DTNB: variants seen among roughly 807,000 people sequenced by gnomAD.
The protein encoded by DTNB is DTN-B.
A neutral mutation model predicts 90.7 loss-of-function variants in DTNB; 63 were observed. The observed-to-expected ratio is 0.69, with a 90% CI of 0.57 to 0.86. The LOEUF (loss-of-function observed/expected upper bound fraction) is 0.86. Among genes scored for constraint, DTNB ranks in the 40% least tolerant of loss-of-function variants. The pLI, the probability that DTNB is intolerant of heterozygous loss-of-function variation, is 0.00. For missense variants in DTNB, 744 were observed against 807.1 expected (o/e 0.92, Z 0.95); for synonymous variants, 277 against 286.7 (o/e 0.97, Z 0.34).
chr2:25,408,580 A>T (rs1438104617), intron 16 of DTNB, among the ~76,000 whole-genome samples: 1 of 148,240 alleles, frequency 6.7e-6, no homozygotes, highest in Non-Finnish European at 1.5e-5. Context: ...CTTTAGCTGC[A>T]GTTAACTTCA....
intron 5 of DTNB, 166 bp from the exon 6 acceptor site, chr2:25,596,406 G>GCAGA (rs2064650678): frequency 1.4e-6 from 1 of 712,120 alleles, no homozygotes; most frequent in Non-Finnish European, 2.1e-6. Flanking sequence ...TATTAACACT[G>GCAGA]TGTGGCTACC....
At chr2:25,384,475 G>C (rs2038894034) in intron 18 of DTNB, among the ~76,000 whole-genome samples, 1 of 152,174 alleles carries the variant, frequency 6.6e-6, no homozygotes, top group Non-Finnish European at 1.5e-5. Flanking sequence ...ATGGAGAGCA[G>C]GGTGCTGGGC....
At chr2:25,472,319 G>T (rs983559848) in intron 10 of DTNB, among the ~76,000 whole-genome samples, 2 of 152,222 alleles carry the variant, frequency 1.3e-5, no homozygotes, top group African/African-American at 4.8e-5. Flanking sequence ...AGATGACAAA[G>T]AAGAGAGAAC....
intron 6 of DTNB, among the ~76,000 whole-genome samples, chr2:25,582,379 T>C (rs1246808654): frequency 6.6e-6 from 1 of 152,190 alleles, no homozygotes; most frequent in Non-Finnish European, 1.5e-5. Context: ...GGGAGAATCT[T>C]GATTCCAGTA....
At chr2:25,555,788 G>A (rs1456466436) in intron 8 of DTNB, among the ~76,000 whole-genome samples, 1 of 152,150 alleles carries the variant, frequency 6.6e-6, no homozygotes, top group Admixed American at 6.5e-5. Context: ...GGCTGAGGCA[G>A]GTGGATCACC....
intron 11 of DTNB, among the ~76,000 whole-genome samples, chr2:25,454,695 G>C (rs886136834): frequency 3.3e-5 from 5 of 152,180 alleles, no homozygotes; most frequent in Admixed American, 6.5e-5. Flanking sequence ...CTTTGCTATA[G>C]TTAGCAGTTA....
At chr2:25,631,981 G>C (rs1265136003) in intron 3 of DTNB, among the ~76,000 whole-genome samples, 2 of 152,066 alleles carry the variant, frequency 1.3e-5, no homozygotes, top group Admixed American at 6.6e-5. Flanking sequence ...GATCACTTGA[G>C]GTCAGGAGTT....
intron 6 of DTNB, among the ~76,000 whole-genome samples, chr2:25,581,033 C>A (rs146829722): frequency 3.3e-5 from 5 of 152,168 alleles, no homozygotes; most frequent in Non-Finnish European, 5.9e-5. Context: ...TTCCCATATA[C>A]ATTATTTTAT....
At chr2:25,432,798 C>T (rs2054352264) in intron 14 of DTNB, 88 bp downstream of exon 14, 1 of 1,349,536 alleles carries the variant, frequency 7.4e-7, no homozygotes, top group African/African-American at 1.4e-5. Context: ...TACTGAACAA[C>T]AGATTCTACC....
At chr2:25,403,010 T>C (rs893113031) in intron 16 of DTNB, among the ~76,000 whole-genome samples, 1 of 152,166 alleles carries the variant, frequency 6.6e-6, no homozygotes, top group Non-Finnish European at 1.5e-5. Context: ...AAAAGAAAAT[T>C]GGAAAGTAAA....
At chr2:25,426,438 C>G (rs528212153) in intron 15 of DTNB, 1 of 152,350 alleles carries the variant, frequency 6.6e-6, no homozygotes, top group African/African-American at 2.4e-5. Flanking sequence ...CATTCTACTG[C>G]TGATGATCAT....
At chr2:25,379,060 C>T (rs1436244208) in intron 20 of DTNB, among the ~76,000 whole-genome samples, 3 of 152,144 alleles carry the variant, frequency 2.0e-5, no homozygotes, top group Admixed American at 6.5e-5. Flanking sequence ...AGGCCATGCC[C>T]AAGGACCAGG....
Position 25,548,890 on chromosome 2 carries a change from A to G in DTNB, c.877-17293T>C, listed in dbSNP as rs1179551261. On this transcript the variant is annotated intron_variant, in intron 8 of 20. Transcript: ENST00000406818. ...GTAATAATTACTTATGTATATGTTT[A>G]CATACACATAAATACATACACCCAC... 2.6e-5 allele frequency among the ~76,000 whole-genome samples: 4 copies of G among 152,334 alleles called. No homozygotes were observed. In the East Asian group the frequency reaches 7.7e-4, roughly 29 times the overall value.
intron 8 of DTNB, among the ~76,000 whole-genome samples, chr2:25,535,814 G>A (rs951475707): frequency 6.8e-6 from 1 of 147,028 alleles, no homozygotes; most frequent in African/African-American, 2.6e-5. Flanking sequence ...CAGCCGGGCA[G>A]AGGTGCTCCT....
At chr2:25,441,691 A>T (rs996060152) in intron 12 of DTNB, among the ~76,000 whole-genome samples, 7 of 152,254 alleles carry the variant, frequency 4.6e-5, no homozygotes, top group Non-Finnish European at 7.3e-5. Flanking sequence ...AGTAATAAAC[A>T]AAACACTTAA....
chr2:25,496,852 A>AG (rs956365939), intron 9 of DTNB, among the ~76,000 whole-genome samples: 1 of 151,998 alleles, frequency 6.6e-6, no homozygotes, highest in African/African-American at 2.4e-5. Context: ...CAAAAAAAAA[A>AG]AAAAAAAGAT....
chr2:25,481,778 A>G (rs1479692304), intron 10 of DTNB: 1 of 152,242 alleles, frequency 6.6e-6, no homozygotes, highest in African/African-American at 2.4e-5. Context: ...TAGCTTCTCA[A>G]GATCCTATCT....
chr2:25,624,477 C>T (rs907103121), intron 4 of DTNB, among the ~76,000 whole-genome samples: 3 of 152,174 alleles, frequency 2.0e-5, no homozygotes, highest in Admixed American at 6.5e-5. Context: ...GGAGCTGATA[C>T]AAGAAGGGGG....
At chr2:25,535,302 G>C (rs1419987169) in intron 8 of DTNB, among the ~76,000 whole-genome samples, 12 of 140,844 alleles carry the variant, frequency 8.5e-5, no homozygotes, top group African/African-American at 3.2e-4. Flanking sequence ...TTCCCAGACG[G>C]GGGTGGCCAG....
Sources: allele counts gnomAD v4.1 joint callset (sites outside exome capture counted in the v4.1 genomes callset), GRCh38; gene constraint gnomAD v4.1.1; transcripts MANE v1.5; gene names NCBI Gene and HGNC (gene_info 2026-07-23, HGNC 2026-07-21).